Variants in BIRC6 observed in about 807,000 individuals in gnomAD.
BIRC6 encodes the protein baculoviral IAP repeat containing 6, also known as dual E2 ubiquitin-conjugating enzyme/E3 ubiquitin-protein ligase BIRC6.
In BIRC6, 98 loss-of-function variants were observed where a neutral mutation model predicts 503.3. The ratio of observed to expected loss-of-function variants is 0.19; its 90% CI spans 0.17 to 0.23. The LOEUF is 0.23. BIRC6 is among the 10% of genes least tolerant of loss of function. The pLI is 1.00. For missense variants in BIRC6, 5,360 were observed against 5,806.0 expected, an observed-to-expected ratio of 0.92 and a Z score of 2.50; for synonymous variants, 2,240 against 2,078.7, an observed-to-expected ratio of 1.08 and a Z score of -2.11.
chr2:32,545,912 G>A, intron 63 of BIRC6, 52 bp downstream of exon 63: 1 of 1,500,526 alleles, frequency 6.7e-7, no homozygotes, highest in South Asian at 1.2e-5. Context: ...ATTTAATTAG[G>A]GAGTACAGAA....
At chr2:32,396,848 C>T (rs1372724900) in intron 6 of BIRC6, among the ~76,000 whole-genome samples, 2 of 151,968 alleles carry the variant, frequency 1.3e-5, no homozygotes, top group Non-Finnish European at 2.9e-5. Flanking sequence ...CTCAGCCTCC[C>T]GAGTAGCTGG....
intron 66 of BIRC6, among the ~76,000 whole-genome samples, chr2:32,580,699 T>G (rs1401002258): frequency 6.6e-6 from 1 of 152,194 alleles, no homozygotes; most frequent in Non-Finnish European, 1.5e-5. Context: ...AAGACCAAAC[T>G]ACCATGGAAG....
In BIRC6 at chr2:32,395,025, G is replaced by A. The variant is rs991864856; in HGVS notation, c.952-486G>A. On this transcript the variant is annotated intron_variant, in intron 5 of 73. Coordinates refer to ENST00000421745, the MANE Select transcript of BIRC6 (RefSeq NM_016252.4). ...AAATTAGCTGGGCGTGGTGGCAGGCGCCTGTAGTCCCAGCCACTCGGGAGG... is the reference window on the plus strand; with the variant it reads ...AAATTAGCTGGGCGTGGTGGCAGGCACCTGTAGTCCCAGCCACTCGGGAGG... 2.0e-5 allele frequency among the ~76,000 whole-genome samples: 3 copies of A among 152,066 alleles called. 1 individual carries two copies. Among genetic ancestry groups the A allele is most frequent in the East Asian group, 3.9e-4 (2 of 5,176 alleles).
chr2:32,573,855 A>T (rs1328495004), intron 65 of BIRC6, among the ~76,000 whole-genome samples: 1 of 152,096 alleles, frequency 6.6e-6, no homozygotes, highest in Admixed American at 6.5e-5. Flanking sequence ...AATTTAGTTT[A>T]AAAAAGTTTC....
At chr2:32,412,468 G>T (rs539392208) in intron 9 of BIRC6, among the ~76,000 whole-genome samples, 1 of 151,910 alleles carries the variant, frequency 6.6e-6, no homozygotes, top group East Asian at 1.9e-4. Flanking sequence ...TTGCACTCCC[G>T]CCTGGGTGGC....
At chr2:32,530,421 A>G (rs925654120) in intron 60 of BIRC6, among the ~76,000 whole-genome samples, 4 of 151,938 alleles carry the variant, frequency 2.6e-5, no homozygotes, top group Non-Finnish European at 5.9e-5. Flanking sequence ...ATGTTGGCCA[A>G]GCTACTCTGT....
At chr2:32,507,722 G>C (rs371794421) in intron 50 of BIRC6, among the ~76,000 whole-genome samples, 1 of 152,114 alleles carries the variant, frequency 6.6e-6, no homozygotes, top group East Asian at 1.9e-4. Context: ...ACACATCTTT[G>C]GTTCCTCTTT....
At chr2:32,461,048 TTCTCTTCTCTTCTCTTCTGTTCTCC>T (rs1558789664) in intron 23 of BIRC6, among the ~76,000 whole-genome samples, 30 of 61,408 alleles carry the variant, frequency 4.9e-4, no homozygotes, top group African/African-American at 9.4e-4. Flanking sequence ...TTCTCTTCTC[TTCTCTTCTCTTCTCTTCTGTTCTCC>T]TCTCCTCTCC....
chr2:32,423,024 A>G (rs947461258), intron 10 of BIRC6, among the ~76,000 whole-genome samples: 3 of 151,928 alleles, frequency 2.0e-5, no homozygotes, highest in African/African-American at 7.3e-5. Flanking sequence ...TGCAGCCTCC[A>G]CCTCCTGGGT....
At chr2:32,397,299 C>T (rs143989623) in intron 6 of BIRC6, among the ~76,000 whole-genome samples, 4 of 151,822 alleles carry the variant, frequency 2.6e-5, no homozygotes, top group East Asian at 2.0e-4. Flanking sequence ...GGTGAAACCC[C>T]GTCTCTGCTA....
Position 32,415,507 on chromosome 2 carries a change from G to C in BIRC6, c.2216G>C (p.Cys739Ser). Residue 739 changes from cysteine (C) to serine (S), a missense_variant, in exon 10 of 74, where the codon TGT becomes TCT. Physicochemically the swap from Cys to Ser is moderately radical, Grantham distance 112. Transcript: ENST00000421745. ...ENLCIDSITP[C>S]ADGIHLLVGL... Reference sequence around the variant, plus strand: ...CTTTGTATAGACTCAATAACTCCTTGTGCTGACGGAATTCATTTGTTGGTA... The same window carrying C: ...CTTTGTATAGACTCAATAACTCCTTCTGCTGACGGAATTCATTTGTTGGTA... The C allele has an allele frequency of 6.2e-7, 1 of 1,613,986 alleles. No homozygotes were observed. Among genetic ancestry groups the C allele is most frequent in the East Asian group, 2.2e-5 (1 of 44,884 alleles).
chr2:32,558,601 G>A (rs2058944213), intron 65 of BIRC6: 1 of 152,148 alleles, frequency 6.6e-6, no homozygotes, highest in Non-Finnish European at 1.5e-5. Context: ...TTAAAATAAT[G>A]GAGTTACTAA....
At chr2:32,370,948 A>G (rs944613713) in intron 1 of BIRC6, among the ~76,000 whole-genome samples, 3 of 152,158 alleles carry the variant, frequency 2.0e-5, no homozygotes, top group African/African-American at 2.4e-5. Flanking sequence ...AGGGTTGTAC[A>G]TTATTTCTTA....
intron 66 of BIRC6, among the ~76,000 whole-genome samples, chr2:32,576,849 A>C (rs1167693214): frequency 1.3e-5 from 2 of 152,204 alleles, no homozygotes; most frequent in Non-Finnish European, 2.9e-5. Flanking sequence ...TCAGAATCAT[A>C]AATTATAGAA....
chr2:32,455,456 A>T (rs1370800462), intron 23 of BIRC6, among the ~76,000 whole-genome samples: 1 of 151,222 alleles, frequency 6.6e-6, no homozygotes, highest in Non-Finnish European at 1.5e-5. Context: ...CCTCGTCTCT[A>T]CTAAAAATAC....
intron 66 of BIRC6, among the ~76,000 whole-genome samples, chr2:32,578,400 C>T (rs2060409008): frequency 6.6e-6 from 1 of 152,164 alleles, no homozygotes; most frequent in South Asian, 2.1e-4. Context: ...TCCTAGAATA[C>T]TCTGAGAAGA....
At chr2:32,519,003 G>A (rs2055353922) in intron 57 of BIRC6, 57 bp downstream of exon 57, 19 of 1,509,128 alleles carry the variant, frequency 1.3e-5, no homozygotes, top group Non-Finnish European at 1.7e-5. Flanking sequence ...GTATATGGAG[G>A]TTTATTGTTT....
rs1381908388 is a variant in BIRC6 at position 32,377,694 on chromosome 2, G to T, written c.432G>T (p.Leu144Phe). 1 of 1,613,726 alleles carries T rather than the reference G, an allele frequency of 6.2e-7. No homozygotes were observed. The highest frequency in any genetic ancestry group is 8.5e-7 in the Non-Finnish European group (1 of 1,179,770). The stretch of plus-strand genomic sequence containing the variant: ...GTAGGAAGGACCTTAATGGAATCTT[G>T]TTGTTAGACACTGCTCTGCAAACTC... ...VGCRKDLNGI[L>F]LLDTALQTPV... The change falls in exon 2 of 74, where the codon TTG becomes TTT. Residue 144 changes from leucine (L) to phenylalanine (F), a missense_variant. Transcript: ENST00000421745.
At chr2:32,507,136 A>C (rs2053884234) in intron 50 of BIRC6, among the ~76,000 whole-genome samples, 1 of 152,124 alleles carries the variant, frequency 6.6e-6, no homozygotes. Context: ...ATTTGGTTTA[A>C]TTTGAAAAGG....
Sources: gnomAD v4.1 joint callset for allele counts (sites outside exome capture counted in the v4.1 genomes callset) on GRCh38, gnomAD v4.1.1 for gene constraint, MANE v1.5 for transcripts, NCBI Gene and HGNC (gene_info 2026-07-23, HGNC 2026-07-21) for gene names.